Variants in KIAA0825 observed in about 807,000 individuals in gnomAD.
KIAA0825 encodes the protein uncharacterized protein KIAA0825.
Under a neutral mutation model 147.6 loss-of-function variants are expected in KIAA0825, and 119 were observed. The observed-to-expected ratio is 0.81, with a 90% CI of 0.69 to 0.94. The LOEUF (loss-of-function observed/expected upper bound fraction) is 0.94. Among genes scored for constraint, KIAA0825 ranks in the 40% least tolerant of loss-of-function variants. The probability of loss-of-function intolerance (pLI) is 0.00; values close to 1 mark genes in which losing one functional copy is unlikely to be tolerated. For synonymous variants in KIAA0825, 470 were observed against 518.1 expected (o/e 0.91, Z 1.26); for missense variants, 1,381 against 1,472.7 (o/e 0.94, Z 1.02).
chr5:94,595,200 GC>G (rs1315164871), intron 1 of KIAA0825, among the ~76,000 whole-genome samples: 1 of 152,208 alleles, frequency 6.6e-6, no homozygotes, highest in Non-Finnish European at 1.5e-5. Context: ...CTTCTGCACT[GC>G]CCTGGCAGAG....
intron 2 of KIAA0825, among the ~76,000 whole-genome samples, chr5:94,565,514 G>A (rs1446269191): frequency 6.6e-6 from 1 of 151,540 alleles, no homozygotes; most frequent in Non-Finnish European, 1.5e-5. Flanking sequence ...GCTAATTTTT[G>A]TATTTTTACA....
chr5:94,555,266 G>A (rs1214346923), intron 2 of KIAA0825, among the ~76,000 whole-genome samples: 1 of 151,946 alleles, frequency 6.6e-6, no homozygotes, highest in African/African-American at 2.4e-5. Flanking sequence ...TTAATTTGTT[G>A]ATAGTCATTT....
At chr5:94,486,505 T>A (rs908343371) in intron 5 of KIAA0825, among the ~76,000 whole-genome samples, 2 of 152,078 alleles carry the variant, frequency 1.3e-5, no homozygotes, top group East Asian at 1.9e-4. Flanking sequence ...GTCTACCAAC[T>A]TAGACTGTAA....
At chr5:94,301,096 G>C (rs1325389480) in intron 20 of KIAA0825, among the ~76,000 whole-genome samples, 1 of 152,146 alleles carries the variant, frequency 6.6e-6, no homozygotes, top group East Asian at 1.9e-4. Context: ...ATTCTGCATA[G>C]CCTCTTTCAC....
At chr5:94,342,996 T>C (rs951776818) in intron 20 of KIAA0825, among the ~76,000 whole-genome samples, 2 of 152,116 alleles carry the variant, frequency 1.3e-5, no homozygotes, top group South Asian at 4.1e-4. Flanking sequence ...ACATTTATAA[T>C]AGCATTGAGT....
intron 20 of KIAA0825, among the ~76,000 whole-genome samples, chr5:94,163,842 C>G (rs573085637): frequency 1.3e-5 from 2 of 152,212 alleles, no homozygotes; most frequent in East Asian, 3.9e-4. Flanking sequence ...AAATAGAAGA[C>G]TGACCCAAAT....
At chr5:94,323,256 TAA>T (rs1043916738) in intron 20 of KIAA0825, among the ~76,000 whole-genome samples, 7 of 152,000 alleles carry the variant, frequency 4.6e-5, no homozygotes, top group African/African-American at 1.7e-4. Flanking sequence ...ACAAAAATTA[TAA>T]GTTTTTCATT....
intron 20 of KIAA0825, among the ~76,000 whole-genome samples, chr5:94,179,628 C>A (rs1769417000): frequency 6.6e-6 from 1 of 151,974 alleles, no homozygotes; most frequent in African/African-American, 2.4e-5. Flanking sequence ...ACAGGAATAT[C>A]TGGAGAAATA....
At chr5:94,439,415 A>G (rs1756781417) in intron 14 of KIAA0825, among the ~76,000 whole-genome samples, 1 of 152,178 alleles carries the variant, frequency 6.6e-6, no homozygotes, top group South Asian at 2.1e-4. Context: ...AAAGCATTTA[A>G]AGGGGAAAAA....
At chr5:94,270,228 G>C (rs1255081420) in intron 20 of KIAA0825, among the ~76,000 whole-genome samples, 1 of 152,030 alleles carries the variant, frequency 6.6e-6, no homozygotes, top group Non-Finnish European at 1.5e-5. Flanking sequence ...AAACAGTATG[G>C]TATCAGCATA....
rs1207612544 is a variant in KIAA0825, at chr5:94,550,608, C to T, written c.-1-13481G>A. Among the ~76,000 whole-genome samples, 5 of 152,130 alleles carry T rather than the reference C, an allele frequency of 3.3e-5. No homozygotes were observed. The East Asian group carries it at 5.8e-4, about 18-fold the overall frequency. ...CTGTAATCCCAGCACTTTGGGAGGCCGAGGCAGGCGGATCACGAGGTCAGG... is the reference window on the plus strand; with the variant it reads ...CTGTAATCCCAGCACTTTGGGAGGCTGAGGCAGGCGGATCACGAGGTCAGG... On this transcript the variant is annotated intron_variant, in intron 2 of 20. Coordinates refer to ENST00000682413, the MANE Select transcript of KIAA0825 (RefSeq NM_001145678.3).
intron 1 of KIAA0825, among the ~76,000 whole-genome samples, chr5:94,601,876 G>A (rs766779466): frequency 2.0e-5 from 3 of 152,154 alleles, no homozygotes; most frequent in Admixed American, 2.0e-4. Context: ...CAAAATTTCC[G>A]AGAAATATGG....
intron 5 of KIAA0825, among the ~76,000 whole-genome samples, chr5:94,507,446 C>T (rs912899591): frequency 1.3e-4 from 19 of 151,340 alleles, no homozygotes; most frequent in Admixed American, 3.3e-4. Context: ...AGCAAGACAC[C>T]GTCCCCCCGC....
chr5:94,318,150 A>G (rs927725671), intron 20 of KIAA0825, among the ~76,000 whole-genome samples: 6 of 151,878 alleles, frequency 4.0e-5, no homozygotes, highest in South Asian at 2.1e-4. Flanking sequence ...TAATAAAACA[A>G]TTTAAAAGCA....
chr5:94,427,056 A>G (rs1416395733), intron 14 of KIAA0825, among the ~76,000 whole-genome samples: 1 of 152,206 alleles, frequency 6.6e-6, no homozygotes, highest in African/African-American at 2.4e-5. Context: ...TGTCTTGTAT[A>G]TAAAAAAAAT....
At chr5:94,182,686 TAC>T (rs1758062197) in intron 20 of KIAA0825, among the ~76,000 whole-genome samples, 1 of 152,148 alleles carries the variant, frequency 6.6e-6, no homozygotes, top group Non-Finnish European at 1.5e-5. Flanking sequence ...TTTATGAAAA[TAC>T]AGAGGTATGT....
intron 20 of KIAA0825, among the ~76,000 whole-genome samples, chr5:94,335,392 T>G (rs993791581): frequency 6.6e-6 from 1 of 152,170 alleles, no homozygotes; most frequent in African/African-American, 2.4e-5. Flanking sequence ...ATATTTCTCA[T>G]AGAGTGTACC....
At chr5:94,403,906 G>A in intron 15 of KIAA0825, 113 bp from the exon 16 acceptor site, 1 of 823,576 alleles carries the variant, frequency 1.2e-6, no homozygotes, top group Non-Finnish European at 1.9e-6. Flanking sequence ...GGAAAGGAGA[G>A]CTGCTCTTAA....
intron 20 of KIAA0825, among the ~76,000 whole-genome samples, chr5:94,171,380 C>T (rs957288613): frequency 2.0e-5 from 3 of 152,148 alleles, no homozygotes; most frequent in African/African-American, 4.8e-5. Flanking sequence ...TTTTTCTTCC[C>T]AGTCTCGGGT....
Sources: allele counts gnomAD v4.1 joint callset (sites outside exome capture counted in the v4.1 genomes callset), GRCh38; gene constraint gnomAD v4.1.1; transcripts MANE v1.5; gene names NCBI Gene and HGNC (gene_info 2026-07-23, HGNC 2026-07-21).